The following PRF1 variants were observed in gnomAD, a reference collection of about 807,000 sequenced individuals.
The protein encoded by PRF1 is perforin 1, also known as perforin-1.
Under a neutral mutation model 11.7 loss-of-function variants are expected in PRF1, and 11 were observed. The observed-to-expected ratio is 0.94, with a 90% CI of 0.59 to 1.56. The LOEUF (loss-of-function observed/expected upper bound fraction) is 1.56. Ranked by LOEUF, PRF1 falls within the 40% of genes most tolerant of loss-of-function variation. The pLI, the probability that PRF1 is intolerant of heterozygous loss-of-function variation, is 0.00. For synonymous variants in PRF1, 314 were observed against 327.8 expected (o/e 0.96, Z 0.45); for missense variants, 729 against 751.0 (o/e 0.97, Z 0.34).
rs779090799 is a variant in PRF1, at chr10:70,600,741, G to T, written c.162C>A (p.Arg54=). The change falls in exon 2 of 3, where the codon CGC becomes CGA. Residue 54 remains arginine (R), a synonymous_variant. Coordinates refer to ENST00000441259, the MANE Select transcript of PRF1 (RefSeq NM_001083116.3). The surrounding 1 kb of genome is among the most constrained non-coding windows in gnomAD (Gnocchi z 4.9). ...TGTCCACTGGGAAGGAGCCCGAGCG[G>T]CGGAGGCTGGTCACGTCCACACCCT... is the stretch of plus-strand genomic sequence containing the variant. ...AGEGVDVTSL[R]RSGSFPVDTQ... is the part of the protein sequence containing the mutation. 1 of 1,613,222 alleles carries T rather than the reference G, an allele frequency of 6.2e-7. No individual in the cohort carries two copies. Among genetic ancestry groups the T allele is most frequent in the Non-Finnish European group, 8.5e-7 (1 of 1,179,520 alleles).
chr10:70,599,205 C>T, intron 2 of PRF1, 24 bp from the exon 3 acceptor site: 1 of 1,613,832 alleles, frequency 6.2e-7, no homozygotes, highest in Non-Finnish European at 8.5e-7. Flanking sequence ...GAGACCTCAG[C>T]TGGGCCCAGG....
At position 70,600,752 on chromosome 10, in the gene PRF1, TC is replaced by T. The variant is rs1306495405; in HGVS notation, c.150del (p.Thr51ProfsTer56). The T allele has an allele frequency of 4.7e-5, 76 of 1,612,516 alleles. No individual in the cohort carries two copies. The highest frequency in any genetic ancestry group is 5.9e-5 in the Non-Finnish European group (70 of 1,179,238). On this transcript the variant is annotated frameshift_variant, in exon 2 of 3. Coordinates refer to ENST00000441259, the MANE Select transcript of PRF1 (RefSeq NM_001083116.3). LOFTEE classifies it high-confidence loss of function. The surrounding 1 kb of genome is among the most constrained non-coding windows in gnomAD (Gnocchi z 4.9). ...GAWLAGEGVD[V>X]TSLRRSGSFP... Reference sequence around the variant, plus strand: ...AAGGAGCCCGAGCGGCGGAGGCTGGTCACGTCCACACCCTCCCCGGCCAGCC... The same window carrying T: ...AAGGAGCCCGAGCGGCGGAGGCTGGTACGTCCACACCCTCCCCGGCCAGCC...
chr10:70,597,880 T>C lies in PRF1; in HGVS notation c.*173A>G, dbSNP rs1191841448. 3 of 743,668 alleles carry C rather than the reference T, an allele frequency of 4.0e-6. No homozygotes were observed. The highest frequency in any genetic ancestry group is 1.8e-5 in the African/African-American group (1 of 55,876). The allele number at this position is 743,668 out of a possible 1,614,324, so 46.1% of individuals were successfully genotyped here. A position where few individuals can be genotyped will look rare whatever the true frequency, so the allele number is the denominator to read the frequency against. On this transcript the variant is annotated 3_prime_UTR_variant, in exon 3 of 3. Transcript: ENST00000441259. ...AAAAATAGCAAAAAGAAACTCATAA[T>C]GTTTTAAGAAAGTTTGCGAATTTGC... is the stretch of plus-strand genomic sequence containing the variant.
In PRF1 at chr10:70,600,270, G is replaced by A. The variant is rs1423245908; in HGVS notation, c.539+94C>T. The A allele has an allele frequency of 1.3e-6, 2 of 1,557,522 alleles. No individual in the cohort carries two copies. The highest frequency in any genetic ancestry group is 8.7e-7 in the Non-Finnish European group (1 of 1,155,044). ...TCTTCCTGGTGGAAGCAGCCTCCAA[G>A]TTTGATTGGAGGACTCTGCCTTTCC... is the stretch of plus-strand genomic sequence containing the variant. On this transcript the variant is annotated intron_variant, in intron 2 of 2. Coordinates refer to ENST00000441259, the MANE Select transcript of PRF1 (RefSeq NM_001083116.3). The surrounding 1 kb of genome is among the most constrained non-coding windows in gnomAD (Gnocchi z 4.9).
Position 70,597,943 on chromosome 10 carries a change from G to C in PRF1, c.*110C>G. 7.0e-7 allele frequency: 1 copy of C among 1,423,824 alleles called. No individual in the cohort carries two copies. The highest frequency in any genetic ancestry group is 1.8e-5 in the Admixed American group (1 of 54,152). The allele number at this position is 1,423,824 out of a possible 1,614,324, so 88.2% of individuals were successfully genotyped here. A position where few individuals can be genotyped will look rare whatever the true frequency, so the allele number is the denominator to read the frequency against. On this transcript the variant is annotated 3_prime_UTR_variant, in exon 3 of 3. Coordinates refer to ENST00000441259, the MANE Select transcript of PRF1 (RefSeq NM_001083116.3). ...TCAAAGCCATCCTGGGCCGCATGCGGGCCTCGGGTTGGACAAGCTTGGTCT... is the reference window on the plus strand; with the variant it reads ...TCAAAGCCATCCTGGGCCGCATGCGCGCCTCGGGTTGGACAAGCTTGGTCT...
At chr10:70,599,207 G>A in intron 2 of PRF1, 26 bp from the exon 3 acceptor site, 1 of 1,613,578 alleles carries the variant, frequency 6.2e-7, no homozygotes. Flanking sequence ...GACCTCAGCT[G>A]GGCCCAGGGG....
At chr10:70,599,683 A>G (rs2132477270) in intron 2 of PRF1, among the ~76,000 whole-genome samples, 1 of 152,288 alleles carries the variant, frequency 6.6e-6, no homozygotes, top group Non-Finnish European at 1.5e-5. Context: ...GCCTTCATCC[A>G]TCCGTCCCCC....
Position 70,598,067 on chromosome 10 carries a change from C to T in PRF1, c.1654G>A (p.Gly552Arg). The change falls in exon 3 of 3, where the codon GGG becomes AGG. Residue 552 changes from glycine to arginine, a missense_variant. Gly to Arg is a moderately radical substitution (Grantham distance 125). Transcript: ENST00000441259. Reference protein sequence around the residue: ...LLGEPPGNRSGAVW With the variant: ...LLGEPPGNRSRAVW ...GCTCACTGTTCTCACCACACGGCCC[C>T]ACTCCGGTTTCCTGGAGGCTCCCCC... 5 of 1,613,722 alleles carry T rather than the reference C, an allele frequency of 3.1e-6. No homozygotes were observed. The highest frequency in any genetic ancestry group is 4.2e-6 in the Non-Finnish European group (5 of 1,180,032).
intron 1 of PRF1, among the ~76,000 whole-genome samples, chr10:70,601,541 C>T (rs1002554205): frequency 3.9e-5 from 6 of 151,934 alleles, no homozygotes; most frequent in Non-Finnish European, 1.5e-5. Flanking sequence ...TAAAATCTGC[C>T]GACCTGGCCA....
rs760042830 is a variant in PRF1, at chr10:70,598,827, C to A, written c.894G>T (p.Glu298Asp). ...MTASFHQTYR[E>D]RHSEVVGGHH... Reference sequence around the variant, plus strand: ...GGCCGCCAACCACTTCCGAGTGGCGCTCCCGGTAGGTTTGGTGGAAGGAGG... The same window carrying A: ...GGCCGCCAACCACTTCCGAGTGGCGATCCCGGTAGGTTTGGTGGAAGGAGG... Residue 298 changes from glutamate to aspartate, a missense_variant, in exon 3 of 3, where the codon GAG becomes GAT. Physicochemically the swap from Glu to Asp is conservative, Grantham distance 45 (BLOSUM62 2). Coordinates refer to ENST00000441259, the MANE Select transcript of PRF1 (RefSeq NM_001083116.3). 2 of 1,614,244 alleles carry A rather than the reference C, an allele frequency of 1.2e-6. No individual in the cohort carries two copies. Among genetic ancestry groups the A allele is most frequent in the African/African-American group, 2.7e-5 (2 of 75,072 alleles).
rs867077482 is a variant in PRF1, at chr10:70,598,129, C to T, written c.1592G>A (p.Gly531Glu). The change falls in exon 3 of 3, where the codon GGA becomes GAA. Residue 531 changes from glycine (G) to glutamate (E), a missense_variant. Coordinates refer to ENST00000441259, the MANE Select transcript of PRF1 (RefSeq NM_001083116.3). ...YHARCLPHLGGGTCLDYVPQM... is the reference protein window; with the variant it reads ...YHARCLPHLGEGTCLDYVPQM... ...GGGGACATAGTCCAGGCAGGTGCCT[C>T]CTCCCAGGTGGGGCAAGCACCTGGC... is the stretch of plus-strand genomic sequence containing the variant. 1 of 1,614,172 alleles carries T rather than the reference C, an allele frequency of 6.2e-7. No homozygotes were observed. The highest frequency in any genetic ancestry group is 8.5e-7 in the Non-Finnish European group (1 of 1,180,034).
In PRF1 at chr10:70,599,322, A is replaced by G. The variant is rs1293332210; in HGVS notation, c.540-141T>C. The G allele has an allele frequency of 8.3e-5, 90 of 1,081,978 alleles. 1 individual carries two copies. The South Asian group carries it at 1.1e-3, about 14-fold the overall frequency. The allele number at this position is 1,081,978 out of a possible 1,614,324, so 67.0% of individuals were successfully genotyped here. The stretch of plus-strand genomic sequence containing the variant: ...CCCAGGGGCCCGGCTCCAGAGCACA[A>G]GCACAGTGGCACGGGGCTGGCAGGA... On this transcript the variant is annotated intron_variant, in intron 2 of 2. Coordinates refer to ENST00000441259, the MANE Select transcript of PRF1 (RefSeq NM_001083116.3).
chr10:70,602,059 G>A (rs1427250743), intron 1 of PRF1, among the ~76,000 whole-genome samples: 1 of 152,144 alleles, frequency 6.6e-6, no homozygotes, highest in Non-Finnish European at 1.5e-5. Flanking sequence ...CCTTGCCTGG[G>A]CCTGTTTATG....
At position 70,600,289 on chromosome 10, in the gene PRF1, C is replaced by G; in HGVS notation, c.539+75G>C. The G allele has an allele frequency of 6.3e-7, 1 of 1,586,912 alleles. No homozygotes were observed. On this transcript the variant is annotated intron_variant, in intron 2 of 2. Transcript: ENST00000441259. This position sits in a 1 kb window ranked among gnomAD's most constrained non-coding sequence, Gnocchi z 4.9. The stretch of plus-strand genomic sequence containing the variant: ...CTCCAAGTTTGATTGGAGGACTCTG[C>G]CTTTCCAGGGCTCCTAGACCACCCA...
chr10:70,598,480 A>G lies in PRF1; in HGVS notation c.1241T>C (p.Leu414Pro), dbSNP rs1374351810. 6.2e-7 allele frequency: 1 copy of G among 1,613,510 alleles called. No homozygotes were observed. The highest frequency in any genetic ancestry group is 2.2e-5 in the East Asian group (1 of 44,848). The change falls in exon 3 of 3, where the codon CTG becomes CCG. Residue 414 changes from leucine (L) to proline (P), a missense_variant. By Grantham distance (98) the Leu-to-Pro change is moderately conservative. Transcript: ENST00000441259. The part of the protein sequence containing the change: ...TQDCCPRQRG[L>P]AQLEVTFIQA... Reference sequence around the variant, plus strand: ...GATGAAGGTCACCTCCAGCTGGGCCAGGCCCCTCTGCCGAGGGCAGCAGTC... The same window carrying G: ...GATGAAGGTCACCTCCAGCTGGGCCGGGCCCCTCTGCCGAGGGCAGCAGTC...
At position 70,598,749 on chromosome 10, in the gene PRF1, C is replaced by A. The variant is rs770929453; in HGVS notation, c.972G>T (p.Gln324His). 6.2e-7 allele frequency: 1 copy of A among 1,614,270 alleles called. No individual in the cohort carries two copies. The highest frequency in any genetic ancestry group is 2.2e-5 in the East Asian group (1 of 44,890). Residue 324 changes from glutamine (Q) to histidine (H), a missense_variant, in exon 3 of 3, where the codon CAG (glutamine) becomes CAT (histidine). Physicochemically the swap from Gln to His is conservative, Grantham distance 24 (BLOSUM62 0). Transcript: ENST00000441259. Reference protein sequence around the residue: ...LLFGIQAGPEQYSAWVNSLPG... With the variant: ...LLFGIQAGPEHYSAWVNSLPG... The stretch of plus-strand genomic sequence containing the variant: ...GCAGCGAGTTTACCCAGGCTGAGTA[C>A]TGCTCGGGCCCGGCCTGGATCCCGA...
At position 70,600,240 on chromosome 10, in the gene PRF1, CA is replaced by C. The variant is rs1216593099; in HGVS notation, c.539+123del. The stretch of plus-strand genomic sequence containing the variant: ...ACCTGAAGTCTGAGAGCCAGGATTG[CA>C]GTTTCTTCCTGGTGGAAGCAGCCTC... On this transcript the variant is annotated intron_variant, in intron 2 of 2. Transcript: ENST00000441259. The surrounding 1 kb of genome is among the most constrained non-coding windows in gnomAD (Gnocchi z 4.9). 6 of 1,497,164 alleles carry C rather than the reference CA, an allele frequency of 4.0e-6. No individual in the cohort carries two copies. Among genetic ancestry groups the C allele is most frequent in the Non-Finnish European group, 5.3e-6 (6 of 1,121,768 alleles). 92.7% of individuals were successfully genotyped at this position (1,497,164 alleles called of 1,614,324 possible).
rs751523638 is a variant in PRF1 at position 70,598,566 on chromosome 10, C to T, written c.1155G>A (p.Arg385=). The change falls in exon 3 of 3, where the codon CGG becomes CGA. Residue 385 remains arginine (R), a synonymous_variant. Coordinates refer to ENST00000441259, the MANE Select transcript of PRF1 (RefSeq NM_001083116.3). ...RDCSRPCPPG[R]QKSPRDPCQC... is the part of the protein sequence containing the mutation. ...GGCATGGGTCTCGGGGGCTCTTCTG[C>T]CGCCCTGGTGGGCACGGCCGGCTGC... 6.2e-7 allele frequency: 1 copy of T among 1,612,798 alleles called. No homozygotes were observed. The highest frequency in any genetic ancestry group is 8.5e-7 in the Non-Finnish European group (1 of 1,179,788).
chr10:70,600,474 C>T lies in PRF1; in HGVS notation c.429G>A (p.Val143=). The change falls in exon 2 of 3, where the codon GTG becomes GTA. Residue 143 remains valine (V), a synonymous_variant. Coordinates refer to ENST00000441259, the MANE Select transcript of PRF1 (RefSeq NM_001083116.3). This position sits in a 1 kb window ranked among gnomAD's most constrained non-coding sequence, Gnocchi z 4.9. ...AGTGTGAGCCGGCCACAGACACATG[C>T]ACATTGCTGGTGGGCTTAGGAGTCA... ...LDVTPKPTSN[V]HVSVAGSHSQ... 1 of 1,614,242 alleles carries T rather than the reference C, an allele frequency of 6.2e-7. No homozygotes were observed.
Sources: allele counts gnomAD v4.1 joint callset (sites outside exome capture counted in the v4.1 genomes callset), GRCh38; gene constraint gnomAD v4.1.1; non-coding constraint Gnocchi (gnomAD v3.1); transcripts MANE v1.5; gene names NCBI Gene and HGNC (gene_info 2026-07-23, HGNC 2026-07-21).